The following SPHKAP variants were observed in gnomAD, a reference collection of about 807,000 sequenced individuals.
The protein encoded by SPHKAP is A-kinase anchor protein SPHKAP.
SPHKAP carries 67 observed loss-of-function variants against 137.5 expected under a neutral mutation model. The ratio of observed to expected loss-of-function variants is 0.49; its 90% CI spans 0.40 to 0.60. The LOEUF is 0.60. Ranked by LOEUF, SPHKAP falls within the 20% of genes least tolerant of loss-of-function variation. SPHKAP has a pLI of 0.00. For synonymous variants in SPHKAP, 813 were observed against 785.3 expected (o/e 1.04, Z -0.59); for missense variants, 2,097 against 2,069.3 (o/e 1.01, Z -0.26).
At chr2:228,165,152 ATT>A (rs36019677) in intron 1 of SPHKAP, among the ~76,000 whole-genome samples, 105 of 145,986 alleles carry the variant, frequency 7.2e-4, no homozygotes, top group East Asian at 1.2e-3. Context: ...CTGTGGCAGC[ATT>A]TTTTTTTTTT....
chr2:228,143,844 C>T (rs1699683874), intron 1 of SPHKAP, among the ~76,000 whole-genome samples: 1 of 152,010 alleles, frequency 6.6e-6, no homozygotes, highest in Non-Finnish European at 1.5e-5. Context: ...TGCAGGAGCT[C>T]TGCATTTTAT....
Position 228,016,533 on chromosome 2 carries a change from C to A in SPHKAP, c.4321G>T (p.Gly1441Trp). 6.2e-7 allele frequency: 1 copy of A among 1,614,150 alleles called. No individual in the cohort carries two copies. Among genetic ancestry groups the A allele is most frequent in the Non-Finnish European group, 8.5e-7 (1 of 1,180,026 alleles). ...TTGGAAAGGAAGGGTTCAGGTTCCC[C>A]AGCACAGGCTTCTCTCTGATCTGTT... Reference protein sequence around the residue: ...IETDQREACAGEPEPFLSKSS... With the variant: ...IETDQREACAWEPEPFLSKSS... Residue 1441 changes from glycine to tryptophan, a missense_variant, in exon 7 of 12, where the codon GGG becomes TGG. Transcript: ENST00000392056.
chr2:228,056,734 T>C (rs754212079), intron 3 of SPHKAP, among the ~76,000 whole-genome samples: 6 of 152,194 alleles, frequency 3.9e-5, no homozygotes, highest in Admixed American at 6.5e-5. Context: ...AAACCAACTA[T>C]CAGACAACTT....
intron 1 of SPHKAP, among the ~76,000 whole-genome samples, chr2:228,159,190 A>G (rs1700200334): frequency 6.6e-6 from 1 of 152,174 alleles, no homozygotes; most frequent in East Asian, 1.9e-4. Flanking sequence ...GAAGGCAAAA[A>G]TTGTACCAAA....
At chr2:228,008,979 C>T (rs985252131) in intron 7 of SPHKAP, among the ~76,000 whole-genome samples, 2 of 152,104 alleles carry the variant, frequency 1.3e-5, no homozygotes, top group African/African-American at 2.4e-5. Flanking sequence ...TCCATACAAA[C>T]TTTGGAATTA....
intron 3 of SPHKAP, among the ~76,000 whole-genome samples, chr2:228,052,023 C>A (rs1220972648): frequency 6.6e-6 from 1 of 152,016 alleles, no homozygotes; most frequent in African/African-American, 2.4e-5. Flanking sequence ...TAGACCATAC[C>A]AATTCTAGCC....
At position 227,995,639 on chromosome 2, in the gene SPHKAP, C is replaced by T. The variant is rs1693612959; in HGVS notation, c.4504G>A (p.Ala1502Thr). The change falls in exon 8 of 12, where the codon GCC (alanine) becomes ACC (threonine). Residue 1502 changes from alanine to threonine, a missense_variant. Transcript: ENST00000392056. Reference protein sequence around the residue: ...PEAEASTEARAPDEAPNPPSS... With the variant: ...PEAEASTEARTPDEAPNPPSS... ...GGAGGGTTGGGGGCCTCATCGGGGG[C>T]TCTGGCTTCTGTGGAGGCTTCAGCC... 1 of 1,613,390 alleles carries T rather than the reference C, an allele frequency of 6.2e-7. No individual in the cohort carries two copies. The highest frequency in any genetic ancestry group is 8.5e-7 in the Non-Finnish European group (1 of 1,179,850).
intron 3 of SPHKAP, among the ~76,000 whole-genome samples, chr2:228,030,076 C>A (rs4973593): frequency 6.6e-6 from 1 of 151,926 alleles, no homozygotes; most frequent in Admixed American, 6.6e-5. Context: ...ACATTTGCTA[C>A]CTGAACCAAG....
In SPHKAP at chr2:227,991,007, A is replaced by T. The variant is rs765781334; in HGVS notation, c.4952T>A (p.Ile1651Asn). 6.2e-7 allele frequency: 1 copy of T among 1,613,848 alleles called. No individual in the cohort carries two copies. The highest frequency in any genetic ancestry group is 1.3e-5 in the African/African-American group (1 of 74,912). ...AAACCTGGTACATGATACCTTTTCA[A>T]TTCTGTTTTCCTGAGATTTCTTAAA... ...IYFKKSQENR[I>N]EKFLDVVQLV... Residue 1651 changes from isoleucine (I) to asparagine (N), a missense_variant, in exon 11 of 12, where the codon ATT becomes AAT. Ile to Asn is a moderately radical substitution (Grantham distance 149). Transcript: ENST00000392056.
At chr2:228,035,138 T>C (rs1695535277) in intron 3 of SPHKAP, among the ~76,000 whole-genome samples, 1 of 147,164 alleles carries the variant, frequency 6.8e-6, no homozygotes, top group South Asian at 2.3e-4. Flanking sequence ...AACCCCATTG[T>C]CTCAGCCCAA....
At chr2:228,005,853 T>C (rs937386282) in intron 7 of SPHKAP, among the ~76,000 whole-genome samples, 1 of 152,228 alleles carries the variant, frequency 6.6e-6, no homozygotes. Flanking sequence ...AAAATTCTTT[T>C]CTTTAAGAAT....
intron 11 of SPHKAP, among the ~76,000 whole-genome samples, chr2:227,985,625 A>G (rs1326209150): frequency 2.0e-5 from 3 of 152,210 alleles, no homozygotes; most frequent in Non-Finnish European, 4.4e-5. Context: ...TAGGTTCCCT[A>G]CCCATAGATC....
intron 3 of SPHKAP, among the ~76,000 whole-genome samples, chr2:228,035,513 C>T (rs1032073228): frequency 9.2e-5 from 14 of 152,100 alleles, no homozygotes; most frequent in Middle Eastern, 3.4e-3. Context: ...ACTTTCTTCA[C>T]AGAATTGGAA....
chr2:228,023,514 C>G (rs925149147), intron 5 of SPHKAP, among the ~76,000 whole-genome samples: 1 of 152,160 alleles, frequency 6.6e-6, no homozygotes, highest in Non-Finnish European at 1.5e-5. Context: ...TGTGATCCCC[C>G]GAATGGAGAG....
intron 2 of SPHKAP, among the ~76,000 whole-genome samples, chr2:228,119,203 A>G (rs1299989214): frequency 6.6e-6 from 1 of 152,094 alleles, no homozygotes; most frequent in Non-Finnish European, 1.5e-5. Flanking sequence ...TTTGAAGGAC[A>G]GTAAATGGCT....
At chr2:228,099,957 C>T (rs960431944) in intron 3 of SPHKAP, among the ~76,000 whole-genome samples, 2 of 151,824 alleles carry the variant, frequency 1.3e-5, no homozygotes, top group African/African-American at 4.8e-5. Context: ...TCACGCCATT[C>T]TCCTGCCTCA....
chr2:228,111,422 T>TA (rs1320809174), intron 2 of SPHKAP, among the ~76,000 whole-genome samples: 1 of 152,172 alleles, frequency 6.6e-6, no homozygotes. Flanking sequence ...TGGGTTTTAC[T>TA]GTTACTATTT....
At chr2:228,146,775 G>A (rs1358979893) in intron 1 of SPHKAP, among the ~76,000 whole-genome samples, 3 of 152,206 alleles carry the variant, frequency 2.0e-5, no homozygotes, top group Non-Finnish European at 2.9e-5. Context: ...TGGTGTATAT[G>A]TACCACATTT....
intron 2 of SPHKAP, among the ~76,000 whole-genome samples, chr2:228,119,473 T>C (rs12999658): frequency 7.0e-6 from 1 of 141,896 alleles, no homozygotes; most frequent in Non-Finnish European, 1.6e-5. Context: ...ACACACACAC[T>C]CTCTCTCTCT....
Sources: gnomAD v4.1 joint callset for allele counts (sites outside exome capture counted in the v4.1 genomes callset) on GRCh38, gnomAD v4.1.1 for gene constraint, MANE v1.5 for transcripts, NCBI Gene and HGNC (gene_info 2026-07-23, HGNC 2026-07-21) for gene names.